PLEKHM2: variants seen among roughly 807,000 people sequenced by gnomAD.
PLEKHM2 encodes pleckstrin homology domain-containing family M member 2.
In PLEKHM2, 77 loss-of-function variants were observed where a neutral mutation model predicts 116.3. The observed-to-expected ratio is 0.66, with a 90% CI of 0.55 to 0.80. The LOEUF (loss-of-function observed/expected upper bound fraction) is 0.80. Among genes scored for constraint, PLEKHM2 ranks in the 30% least tolerant of loss-of-function variants. The pLI is 0.00. For missense variants in PLEKHM2, 1,183 were observed against 1,354.9 expected, an observed-to-expected ratio of 0.87 and a Z score of 1.99; for synonymous variants, 562 against 571.0, an observed-to-expected ratio of 0.98 and a Z score of 0.22.
At chr1:15,716,114 C>T (rs1190960377) in intron 1 of PLEKHM2, 123 bp from the exon 2 acceptor site, 1 of 634,514 alleles carries the variant, frequency 1.6e-6, no homozygotes, top group Non-Finnish European at 2.8e-6. Context: ...AGGTAGACGT[C>T]TCTGCTGGTC....
At position 15,716,257 on chromosome 1, in the gene PLEKHM2, A is replaced by T. The variant is rs768612119; in HGVS notation, c.81A>T (p.Ala27=). ...SVKKLQSYFA[A]CEDEIPAIRN... is the part of the protein sequence containing the mutation. ...TTCAGTTGCAGAGCTATTTTGCTGCATGTGAGGATGAGATCCCTGCCATCC... is the reference window on the plus strand; with the variant it reads ...TTCAGTTGCAGAGCTATTTTGCTGCTTGTGAGGATGAGATCCCTGCCATCC... The change falls in exon 2 of 20, where the codon GCA becomes GCT. Residue 27 remains alanine, a synonymous_variant. Coordinates refer to ENST00000375799, the MANE Select transcript of PLEKHM2 (RefSeq NM_015164.4). 1 of 1,597,594 alleles carries T rather than the reference A, an allele frequency of 6.3e-7. No homozygotes were observed. The highest frequency in any genetic ancestry group is 8.5e-7 in the Non-Finnish European group (1 of 1,171,546).
rs1025346779 is a variant in PLEKHM2, at chr1:15,730,303, G to A, written c.2209-229G>A. On this transcript the variant is annotated intron_variant, in intron 14 of 19. Transcript: ENST00000375799. ...TAAAAATACAAAAATTCAGCCAGGCGTGGTGATGGGCGCCTGTAATCCCAG... is the reference window on the plus strand; with the variant it reads ...TAAAAATACAAAAATTCAGCCAGGCATGGTGATGGGCGCCTGTAATCCCAG... Among the ~76,000 whole-genome samples the A allele has an allele frequency of 3.9e-5, 6 of 152,246 alleles. No individual in the cohort carries two copies. The South Asian group carries it at 8.3e-4, about 21-fold the overall frequency.
chr1:15,707,388 C>T (rs917749313), intron 1 of PLEKHM2, among the ~76,000 whole-genome samples: 2 of 152,106 alleles, frequency 1.3e-5, no homozygotes, highest in African/African-American at 4.8e-5. Flanking sequence ...AGCATTACTG[C>T]ACTCTAGCCT....
intron 1 of PLEKHM2, among the ~76,000 whole-genome samples, chr1:15,713,268 ATTTC>A (rs960720767): frequency 1.3e-5 from 2 of 151,186 alleles, no homozygotes; most frequent in Non-Finnish European, 2.9e-5. Context: ...TTTTTTTCTT[ATTTC>A]TTTCTTTCTT....
intron 8 of PLEKHM2, among the ~76,000 whole-genome samples, chr1:15,726,104 G>A (rs2068061180): frequency 6.6e-6 from 1 of 152,232 alleles, no homozygotes; most frequent in African/African-American, 2.4e-5. Flanking sequence ...CGTGGCTGGT[G>A]TCTGGGGCCA....
chr1:15,725,431 C>G lies in PLEKHM2; in HGVS notation c.827C>G (p.Pro276Arg). The stretch of plus-strand genomic sequence containing the variant: ...CGCCAGAACCCCTTCAACGAGGAGC[C>G]GGCAGAGACTGTGTCCTCCTCTGAC... ...TQRQNPFNEEPAETVSSSDTT... is the reference protein window; with the variant it reads ...TQRQNPFNEERAETVSSSDTT... Residue 276 changes from proline to arginine, a missense_variant, in exon 8 of 20, where the codon CCG (proline) becomes CGG (arginine). Physicochemically the swap from Pro to Arg is moderately radical, Grantham distance 103. This residue lies in a region of PLEKHM2 where 372 missense variants were observed against 357.2 expected (regional missense o/e 1.04). Transcript: ENST00000375799. The G allele has an allele frequency of 6.4e-7, 1 of 1,561,450 alleles. No individual in the cohort carries two copies. The highest frequency in any genetic ancestry group is 1.4e-5 in the African/African-American group (1 of 73,406).
Position 15,727,081 on chromosome 1 carries a change from C to T in PLEKHM2, c.1009C>T (p.His337Tyr), listed in dbSNP as rs923131698. The T allele has an allele frequency of 2.6e-6, 4 of 1,525,480 alleles. No homozygotes were observed. The African/African-American group carries it at 5.5e-5, about 21-fold the overall frequency. The allele number at this position is 1,525,480 out of a possible 1,614,324, so 94.5% of individuals were successfully genotyped here. Residue 337 changes from histidine (H) to tyrosine (Y), a missense_variant, in exon 9 of 20, where the codon CAC becomes TAC. This residue lies in a region of PLEKHM2 where 372 missense variants were observed against 357.2 expected (regional missense o/e 1.04). Coordinates refer to ENST00000375799, the MANE Select transcript of PLEKHM2 (RefSeq NM_015164.4). The surrounding 1 kb of genome is among the most constrained non-coding windows in gnomAD (Gnocchi z 7.5). ...ATCAGATGAGGAGGCAAGTCCACTC[C>T]ACCCCGCCTGCAGCCAGAAGAAATG... The part of the protein sequence containing the change: ...SRSDEEASPL[H>Y]PACSQKKCAK...
rs539576445 is a variant in PLEKHM2 at position 15,713,669 on chromosome 1, T to C, written c.61-2568T>C. ...TTTTGTTTTTGAGAAGGAGTCTTGC[T>C]CTGTTGCCCAGGCTGGAGTGCAGTG... On this transcript the variant is annotated intron_variant, in intron 1 of 19. Transcript: ENST00000375799. Among the ~76,000 whole-genome samples the C allele has an allele frequency of 2.0e-3, 298 of 152,254 alleles. 7 individuals carry two copies. Among genetic ancestry groups the C allele is most frequent in the Non-Finnish European group, 1.9e-3 (132 of 68,018 alleles).
At chr1:15,688,134 A>G (rs889052088) in intron 1 of PLEKHM2, among the ~76,000 whole-genome samples, 6 of 152,158 alleles carry the variant, frequency 3.9e-5, no homozygotes, top group African/African-American at 1.4e-4. Flanking sequence ...TTCCCCTCCC[A>G]GAAACTACAC....
rs578068746 is a variant in PLEKHM2 at position 15,721,612 on chromosome 1, G to A, written c.712+224G>A. Among the ~76,000 whole-genome samples, 9 of 152,080 alleles carry A rather than the reference G, an allele frequency of 5.9e-5. No homozygotes were observed. Among genetic ancestry groups the A allele is most frequent in the Non-Finnish European group, 1.3e-4 (9 of 68,032 alleles). On this transcript the variant is annotated intron_variant, in intron 7 of 19. Transcript: ENST00000375799. The surrounding 1 kb of genome is among the most constrained non-coding windows in gnomAD (Gnocchi z 5.1). ...TGCAGGGCTCCTGCCTTTGCTCAGTGGCCTTTCGGAGTCACTAAGTGGCTG... is the reference window on the plus strand; with the variant it reads ...TGCAGGGCTCCTGCCTTTGCTCAGTAGCCTTTCGGAGTCACTAAGTGGCTG...
chr1:15,715,715 A>G (rs1021516329), intron 1 of PLEKHM2, among the ~76,000 whole-genome samples: 19 of 152,358 alleles, frequency 1.2e-4, no homozygotes, highest in African/African-American at 4.1e-4. Flanking sequence ...GGGAAACTAT[A>G]AAGGAAAAGA....
intron 1 of PLEKHM2, among the ~76,000 whole-genome samples, chr1:15,695,572 C>T (rs567926320): frequency 1.3e-5 from 2 of 152,054 alleles, no homozygotes; most frequent in Non-Finnish European, 1.5e-5. Context: ...AGGACAGTGG[C>T]GCCATCTTAG....
rs2068115500 is a variant in PLEKHM2 at position 15,729,883 on chromosome 1, A to T, written c.2162A>T (p.Glu721Val). ...YPSILTDATM[E>V]KLALAKFVAQ... ...AGCATCCTGACGGATGCCACCATGG[A>T]GAAGCTGGCACTGGCCAAATTTGTG... is the stretch of plus-strand genomic sequence containing the variant. The change falls in exon 14 of 20, where the codon GAG becomes GTG. Residue 721 changes from glutamate to valine, a missense_variant. This residue lies in a region of PLEKHM2 where 594 missense variants were observed against 720.1 expected (regional missense o/e 0.82). Coordinates refer to ENST00000375799, the MANE Select transcript of PLEKHM2 (RefSeq NM_015164.4). This position sits in a 1 kb window ranked among gnomAD's most constrained non-coding sequence, Gnocchi z 4.7. 3 of 1,613,020 alleles carry T rather than the reference A, an allele frequency of 1.9e-6. No individual in the cohort carries two copies. Among genetic ancestry groups the T allele is most frequent in the African/African-American group, 1.3e-5 (1 of 74,930 alleles).
At chr1:15,685,641 G>C (rs1640755439) in intron 1 of PLEKHM2, among the ~76,000 whole-genome samples, 1 of 151,906 alleles carries the variant, frequency 6.6e-6, no homozygotes, top group African/African-American at 2.4e-5. Flanking sequence ...AAGCAAAATG[G>C]ATAGAATTAA....
intron 1 of PLEKHM2, among the ~76,000 whole-genome samples, chr1:15,700,305 G>A (rs766053368): frequency 2.0e-4 from 31 of 152,080 alleles, no homozygotes; most frequent in Non-Finnish European, 4.1e-4. Flanking sequence ...GCACTTCTGG[G>A]GTGGTGGCAG....
At position 15,712,310 on chromosome 1, in the gene PLEKHM2, G is replaced by GA. The variant is rs539020858; in HGVS notation, c.61-3921dup. Among the ~76,000 whole-genome samples, 800 of 152,244 alleles carry GA rather than the reference G, an allele frequency of 5.3e-3. 2 individuals carry two copies. The highest frequency in any genetic ancestry group is 8.6e-3 in the Non-Finnish European group (586 of 68,010). ...GTACTATTTTTCACCAAATGGACTGGAAAAAATTAGACTAATTATATGCAG... is the reference window on the plus strand; with the variant it reads ...GTACTATTTTTCACCAAATGGACTGGAAAAAAATTAGACTAATTATATGCAG... On this transcript the variant is annotated intron_variant, in intron 1 of 19. Transcript: ENST00000375799.
Position 15,719,780 on chromosome 1 carries a change from AACCTC to A in PLEKHM2, c.514_518del (p.Pro172ValfsTer6). On this transcript the variant is annotated frameshift_variant, in exon 6 of 20. Coordinates refer to ENST00000375799, the MANE Select transcript of PLEKHM2 (RefSeq NM_015164.4). LOFTEE classifies it high-confidence loss of function. This position sits in a 1 kb window ranked among gnomAD's most constrained non-coding sequence, Gnocchi z 4.1. ...GCCCCCTACATGCCCGACTACTACA[AACCTC>A]AGTACCTGCTGGACTTTGAAGACCG... 1 of 1,613,670 alleles carries A rather than the reference AACCTC, an allele frequency of 6.2e-7. No homozygotes were observed.
At chr1:15,690,833 A>G (rs919777762) in intron 1 of PLEKHM2, among the ~76,000 whole-genome samples, 1 of 152,222 alleles carries the variant, frequency 6.6e-6, no homozygotes, top group African/African-American at 2.4e-5. Context: ...GAACAGGCAG[A>G]TGAGTATCTG....
At chr1:15,684,713 C>G (rs1246148674) in intron 1 of PLEKHM2, 95 bp downstream of exon 1, 1 of 642,776 alleles carries the variant, frequency 1.6e-6, no homozygotes, top group African/African-American at 2.0e-5. Flanking sequence ...CCCCGCCCTT[C>G]CCCTCCGCGA....
Sources: allele counts gnomAD v4.1 joint callset (sites outside exome capture counted in the v4.1 genomes callset), GRCh38; gene constraint gnomAD v4.1.1; regional missense constraint gnomAD v4.1.1; non-coding constraint Gnocchi (gnomAD v3.1); transcripts MANE v1.5; gene names NCBI Gene and HGNC (gene_info 2026-07-23, HGNC 2026-07-21).